EPRS1: variants seen among roughly 807,000 people sequenced by gnomAD.
EPRS1 encodes glutamyl-prolyl-tRNA synthetase 1.
A neutral mutation model predicts 188.3 loss-of-function variants in EPRS1; 107 were observed. That is an observed-to-expected ratio of 0.57 (90% CI 0.49 to 0.67). The LOEUF is 0.67. Ranked by LOEUF, EPRS1 falls within the 30% of genes least tolerant of loss-of-function variation. The pLI is 0.00. For missense variants in EPRS1, 1,577 were observed against 1,802.2 expected, an observed-to-expected ratio of 0.88 and a Z score of 2.26; for synonymous variants, 596 against 593.1, an observed-to-expected ratio of 1.00 and a Z score of -0.07.
chr1:220,035,430 G>GC (rs1454390100), intron 2 of EPRS1, among the ~76,000 whole-genome samples: 1 of 152,202 alleles, frequency 6.6e-6, no homozygotes, highest in Non-Finnish European at 1.5e-5. Flanking sequence ...GGGATTAGAG[G>GC]CATGAGCCAC....
intron 18 of EPRS1, among the ~76,000 whole-genome samples, chr1:219,996,126 T>C (rs2102573591): frequency 6.6e-6 from 1 of 152,364 alleles, no homozygotes; most frequent in East Asian, 1.9e-4. Flanking sequence ...TCACAGTCTA[T>C]ACAGATGCCA....
At chr1:220,039,013 G>T (rs1662243468) in intron 2 of EPRS1, among the ~76,000 whole-genome samples, 2 of 152,104 alleles carry the variant, frequency 1.3e-5, no homozygotes, top group South Asian at 4.1e-4. Flanking sequence ...TTGGCCAGAT[G>T]AGGAAATTCT....
intron 5 of EPRS1, among the ~76,000 whole-genome samples, chr1:220,031,112 T>C (rs1218021170): frequency 1.4e-5 from 2 of 147,058 alleles, no homozygotes; most frequent in East Asian, 2.0e-4. Flanking sequence ...AAAAAGTATA[T>C]GGGGTATTCA....
In EPRS1 at chr1:220,046,438, A is replaced by G. The variant is rs1302397531; in HGVS notation, c.-50T>C. ...GTCAGTACGCCTGGCTCGTGCCAGA[A>G]CTACGGAGGACCCCGCGAAAGGAAG... On this transcript the variant is annotated 5_prime_UTR_variant, in exon 1 of 32. Coordinates refer to ENST00000366923, the MANE Select transcript of EPRS1 (RefSeq NM_004446.3). The G allele has an allele frequency of 1.2e-6, 2 of 1,610,040 alleles. No homozygotes were observed. The highest frequency in any genetic ancestry group is 2.2e-5 in the East Asian group (1 of 44,784).
rs1388450855 is a variant in EPRS1, at chr1:219,968,667, TAAG to T, written c.*136_*138del. Reference sequence around the variant, plus strand: ...CTTTTATCCACTGTTAACTTAGGCATAAGAATAATTGTCCTGTGTGACTTCATT... The same window carrying T: ...CTTTTATCCACTGTTAACTTAGGCATAATAATTGTCCTGTGTGACTTCATT... On this transcript the variant is annotated 3_prime_UTR_variant, in exon 32 of 32. Coordinates refer to ENST00000366923, the MANE Select transcript of EPRS1 (RefSeq NM_004446.3). 1 of 745,612 alleles carries T rather than the reference TAAG, an allele frequency of 1.3e-6. No homozygotes were observed. The highest frequency in any genetic ancestry group is 2.2e-6 in the Non-Finnish European group (1 of 459,002). 46.2% of individuals were successfully genotyped at this position (745,612 alleles called of 1,614,324 possible). A position where few individuals can be genotyped will look rare whatever the true frequency, so the allele number is the denominator to read the frequency against.
intron 28 of EPRS1, among the ~76,000 whole-genome samples, chr1:219,976,301 C>A (rs1660778993): frequency 6.6e-6 from 1 of 152,192 alleles, no homozygotes; most frequent in African/African-American, 2.4e-5. Context: ...TGAGAAATTA[C>A]TGCAGACTGA....
intron 26 of EPRS1, 92 bp downstream of exon 26, chr1:219,979,993 G>T: frequency 1.1e-6 from 1 of 875,288 alleles, no homozygotes; most frequent in Non-Finnish European, 1.7e-6. Context: ...TATTTTTTAA[G>T]AGTCTACTTC....
chr1:220,018,077 T>C, intron 12 of EPRS1: 1 of 1,133,976 alleles, frequency 8.8e-7, no homozygotes, highest in Non-Finnish European at 1.2e-6. Flanking sequence ...TTTTAACATG[T>C]AATATGCTAA....
chr1:220,038,243 C>A (rs535493166), intron 2 of EPRS1, among the ~76,000 whole-genome samples: 1 of 151,684 alleles, frequency 6.6e-6, no homozygotes, highest in Non-Finnish European at 1.5e-5. Flanking sequence ...CAACCATGCC[C>A]GGCAAGTTTT....
At chr1:220,011,563 TA>T (rs2102583842) in intron 12 of EPRS1, among the ~76,000 whole-genome samples, 1 of 152,346 alleles carries the variant, frequency 6.6e-6, no homozygotes, top group South Asian at 2.1e-4. Flanking sequence ...TTCTATAGAT[TA>T]AAAGTATAAA....
At chr1:220,032,290 G>A in intron 5 of EPRS1, 97 bp downstream of exon 5, 1 of 883,694 alleles carries the variant, frequency 1.1e-6, no homozygotes, top group Non-Finnish European at 1.6e-6. Context: ...GTTTCACCGT[G>A]TTATTCAGGA....
chr1:220,035,938 G>T (rs1180954729), intron 2 of EPRS1, among the ~76,000 whole-genome samples: 3 of 151,806 alleles, frequency 2.0e-5, no homozygotes, highest in East Asian at 3.9e-4. Flanking sequence ...GGTGGCTCAT[G>T]CCTGTAATCC....
chr1:220,005,050 G>A (rs1269069612), intron 16 of EPRS1, among the ~76,000 whole-genome samples, 198 bp downstream of exon 16: 1 of 152,124 alleles, frequency 6.6e-6, no homozygotes, highest in Non-Finnish European at 1.5e-5. Context: ...ATTTATTAAT[G>A]TTCAATGTGC....
intron 28 of EPRS1, among the ~76,000 whole-genome samples, chr1:219,978,321 C>T (rs1029398456): frequency 6.6e-6 from 1 of 152,098 alleles, no homozygotes; most frequent in Non-Finnish European, 1.5e-5. Flanking sequence ...TTTATTCTAA[C>T]ATAATAAAAA....
At chr1:219,976,422 G>C (rs1433975121) in intron 28 of EPRS1, among the ~76,000 whole-genome samples, 1 of 152,206 alleles carries the variant, frequency 6.6e-6, no homozygotes, top group African/African-American at 2.4e-5. Flanking sequence ...TGGGGGTCTA[G>C]AATTAGACTA....
intron 12 of EPRS1, among the ~76,000 whole-genome samples, chr1:220,017,443 C>A (rs1010550622): frequency 6.6e-6 from 1 of 152,074 alleles, no homozygotes; most frequent in Non-Finnish European, 1.5e-5. Flanking sequence ...GAAAAGTACA[C>A]CAGTGTTAAC....
chr1:219,996,223 A>G (rs1661229142), intron 18 of EPRS1, among the ~76,000 whole-genome samples: 1 of 152,196 alleles, frequency 6.6e-6, no homozygotes, highest in South Asian at 2.1e-4. Flanking sequence ...CTAAGGACAT[A>G]CTGAAACAAG....
At chr1:220,018,032 T>C (rs1197339299) in intron 12 of EPRS1, 1 of 624,898 alleles carries the variant, frequency 1.6e-6, no homozygotes, top group African/African-American at 1.9e-5. Flanking sequence ...TTTATATAAA[T>C]GTGATTGTGC....
Position 220,010,930 on chromosome 1 carries a change from A to G in EPRS1, c.1605+16T>C. ...TTTAACAGAGAGAAACACATTGGTG[A>G]AACTGTAAGAGTGACCTTTGGGTGT... On this transcript the variant is annotated intron_variant, in intron 13 of 31. Coordinates refer to ENST00000366923, the MANE Select transcript of EPRS1 (RefSeq NM_004446.3). The G allele has an allele frequency of 6.9e-7, 1 of 1,457,972 alleles. No individual in the cohort carries two copies. The highest frequency in any genetic ancestry group is 1.2e-5 in the South Asian group (1 of 86,514). The allele number at this position is 1,457,972 out of a possible 1,614,324, so 90.3% of individuals were successfully genotyped here.
Sources: gnomAD v4.1 joint callset for allele counts (sites outside exome capture counted in the v4.1 genomes callset) on GRCh38, gnomAD v4.1.1 for gene constraint, MANE v1.5 for transcripts, NCBI Gene and HGNC (gene_info 2026-07-23, HGNC 2026-07-21) for gene names.